GREM2: variants seen among roughly 807,000 people sequenced by gnomAD.
The protein encoded by GREM2 is gremlin-2.
A neutral mutation model predicts 14.2 loss-of-function variants in GREM2; 11 were observed. The observed-to-expected ratio is 0.78, with a 90% CI of 0.49 to 1.28. GREM2 has a LOEUF of 1.28. GREM2 is among the 50% of genes most tolerant of loss of function. GREM2 has a pLI of 0.00. For missense variants in GREM2, 210 were observed against 218.5 expected, an observed-to-expected ratio of 0.96 and a Z score of 0.24; for synonymous variants, 98 against 97.6, an observed-to-expected ratio of 1.00 and a Z score of -0.02.
intron 1 of GREM2, chr1:240,588,538 G>A (rs1008506313): frequency 7.2e-5 from 11 of 152,172 alleles, no homozygotes; most frequent in African/African-American, 2.7e-4. Flanking sequence ...TCACAGGAAA[G>A]CAGGCCAGCT....
At chr1:240,604,236 G>A (rs7535866) in intron 1 of GREM2, among the ~76,000 whole-genome samples, 4,208 of 151,866 alleles carry the variant, frequency 0.028, 191 homozygotes, top group African/African-American at 0.098. Flanking sequence ...CTCCAGTATT[G>A]GGGGTCACAT....
intron 1 of GREM2, among the ~76,000 whole-genome samples, chr1:240,520,082 AAAAATAAAATAAAAT>A (rs200273633): frequency 9.0e-5 from 13 of 144,246 alleles, no homozygotes; most frequent in African/African-American, 1.3e-4. Context: ...CTCCATCCCA[AAAAATAAAATAAAAT>A]AAAATAAAAT....
chr1:240,524,216 T>C (rs1190534860), intron 1 of GREM2, among the ~76,000 whole-genome samples: 13 of 152,238 alleles, frequency 8.5e-5, no homozygotes, highest in Admixed American at 8.5e-4. Flanking sequence ...AAAAATAAAA[T>C]GTTGCCAGGT....
In GREM2 at chr1:240,543,156, C is replaced by A. The variant is rs911940625; in HGVS notation, c.-1-49680G>T. Among the ~76,000 whole-genome samples, 1 of 152,216 alleles carries A rather than the reference C, an allele frequency of 6.6e-6. No homozygotes were observed. The highest frequency in any genetic ancestry group is 6.5e-5 in the Admixed American group (1 of 15,290). On this transcript the variant is annotated intron_variant, in intron 1 of 1. Transcript: ENST00000318160. The surrounding 1 kb of genome is among the most constrained non-coding windows in gnomAD (Gnocchi z 6.4). The stretch of plus-strand genomic sequence containing the variant: ...TTACATCCCCCATCAGATTGTGGAT[C>A]ACCTAAGGCTAGGGCCAGGCTTGCT...
chr1:240,574,831 C>T (rs1679328726), intron 1 of GREM2, among the ~76,000 whole-genome samples: 1 of 151,982 alleles, frequency 6.6e-6, no homozygotes, highest in South Asian at 2.1e-4. Flanking sequence ...TGATCTTGGG[C>T]CGGGAGTGGT....
chr1:240,551,623 C>T (rs1678855063), intron 1 of GREM2, among the ~76,000 whole-genome samples: 1 of 150,258 alleles, frequency 6.7e-6, no homozygotes. Context: ...AGCCACCATG[C>T]CTGGTCTAGT....
intron 1 of GREM2, among the ~76,000 whole-genome samples, chr1:240,521,918 C>T (rs1023184478): frequency 1.3e-5 from 2 of 151,850 alleles, no homozygotes; most frequent in Non-Finnish European, 2.9e-5. Flanking sequence ...TTGAGACCAG[C>T]CTGAACAACA....
chr1:240,507,507 AT>A (rs1196836139), intron 1 of GREM2, among the ~76,000 whole-genome samples: 2 of 152,044 alleles, frequency 1.3e-5, no homozygotes, highest in Non-Finnish European at 2.9e-5. Flanking sequence ...TAATTTTTGT[AT>A]TTTTAGTAGA....
intron 1 of GREM2, among the ~76,000 whole-genome samples, chr1:240,555,646 G>A (rs987234443): frequency 2.0e-5 from 3 of 152,166 alleles, no homozygotes; most frequent in African/African-American, 7.2e-5. Flanking sequence ...GGGAATGCTG[G>A]TATCGTGCAT....
intron 1 of GREM2, among the ~76,000 whole-genome samples, chr1:240,564,082 A>T (rs905443591): frequency 2.0e-5 from 3 of 152,080 alleles, no homozygotes; most frequent in African/African-American, 7.2e-5. Flanking sequence ...GGTGGTGCAC[A>T]CCTGTAGTAA....
At chr1:240,558,607 G>A (rs1478950674) in intron 1 of GREM2, among the ~76,000 whole-genome samples, 1 of 152,032 alleles carries the variant, frequency 6.6e-6, no homozygotes, top group African/African-American at 2.4e-5. Context: ...TTAATCAGAG[G>A]GTAAAAGGAG....
chr1:240,513,867 T>C (rs564636916), intron 1 of GREM2, among the ~76,000 whole-genome samples: 16 of 152,122 alleles, frequency 1.1e-4, no homozygotes, highest in Non-Finnish European at 1.8e-4. Context: ...ATTTAAGAAT[T>C]ACTGGAATAA....
At chr1:240,535,665 G>C (rs1678455558) in intron 1 of GREM2, among the ~76,000 whole-genome samples, 1 of 151,956 alleles carries the variant, frequency 6.6e-6, no homozygotes, top group African/African-American at 2.4e-5. Context: ...CAGGTGTCAC[G>C]GTGCATGCCT....
chr1:240,604,894 T>A (rs1452324827), intron 1 of GREM2, among the ~76,000 whole-genome samples: 1 of 152,230 alleles, frequency 6.6e-6, no homozygotes, highest in African/African-American at 2.4e-5. Flanking sequence ...TTCAGACCTG[T>A]GCTCCTAAAT....
intron 1 of GREM2, among the ~76,000 whole-genome samples, chr1:240,500,301 T>A (rs994580277): frequency 2.2e-5 from 3 of 138,758 alleles, no homozygotes; most frequent in African/African-American, 8.7e-5. Flanking sequence ...GTGTGGATAA[T>A]CTTTTTTTTT....
At chr1:240,567,229 GTA>G (rs1558165820) in intron 1 of GREM2, among the ~76,000 whole-genome samples, 3 of 152,084 alleles carry the variant, frequency 2.0e-5, no homozygotes, top group African/African-American at 7.2e-5. Context: ...TCTAATATAT[GTA>G]TAACTGAAAT....
intron 1 of GREM2, among the ~76,000 whole-genome samples, chr1:240,592,768 A>G (rs1679736454): frequency 6.6e-6 from 1 of 152,118 alleles, no homozygotes; most frequent in Non-Finnish European, 1.5e-5. Flanking sequence ...CCCCTGCCGC[A>G]TGCACTGGCC....
intron 1 of GREM2, among the ~76,000 whole-genome samples, chr1:240,601,073 C>T (rs1200204632): frequency 6.6e-6 from 1 of 152,184 alleles, no homozygotes; most frequent in Non-Finnish European, 1.5e-5. Context: ...AACTGTTCTT[C>T]CAGCAACCTT....
At chr1:240,600,471 T>C (rs1023743132) in intron 1 of GREM2, among the ~76,000 whole-genome samples, 3 of 150,826 alleles carry the variant, frequency 2.0e-5, no homozygotes, top group African/African-American at 7.3e-5. Flanking sequence ...GTGTTTTTAT[T>C]GTTTTCTTTT....
Sources: gnomAD v4.1 joint callset for allele counts (sites outside exome capture counted in the v4.1 genomes callset) on GRCh38, gnomAD v4.1.1 for gene constraint, Gnocchi (gnomAD v3.1) non-coding constraint, MANE v1.5 for transcripts, NCBI Gene and HGNC (gene_info 2026-07-23, HGNC 2026-07-21) for gene names.